Variants in WHRN observed in about 807,000 individuals in gnomAD.
The protein encoded by WHRN is CASK-interacting protein CIP98.
Under a neutral mutation model 68.3 loss-of-function variants are expected in WHRN, and 41 were observed. The ratio of observed to expected loss-of-function variants is 0.60; its 90% CI spans 0.47 to 0.78. The LOEUF is 0.78. Ranked by LOEUF, WHRN falls within the 30% of genes least tolerant of loss-of-function variation. The pLI is 0.00. For missense variants in WHRN, 1,243 were observed against 1,244.7 expected (o/e 1.00, Z 0.02); for synonymous variants, 560 against 561.3 (o/e 1.00, Z 0.03).
At chr9:114,491,094 G>T in intron 1 of WHRN, among the ~76,000 whole-genome samples, 1 of 151,938 alleles carries the variant, frequency 6.6e-6, no homozygotes, top group East Asian at 1.9e-4. Flanking sequence ...ACATTTTGTT[G>T]TCTGGGATCG....
chr9:114,406,384 T>A lies in WHRN; in HGVS notation c.2207A>T (p.Asn736Ile). ...CGTCTGGGGCAGCGCCCTCACTTCA[T>A]TGACGTCTGGCTCGCTGTCGGGGCG... ...VHRPDSEPDVNEVRALPQTRT... is the reference protein window; with the variant it reads ...VHRPDSEPDVIEVRALPQTRT... The change falls in exon 9 of 12, where the codon AAT becomes ATT. Residue 736 changes from asparagine (N) to isoleucine (I), a missense_variant. By Grantham distance (149) the Asn-to-Ile change is moderately radical. Transcript: ENST00000362057. 6.2e-7 allele frequency: 1 copy of A among 1,614,152 alleles called. No individual in the cohort carries two copies. The highest frequency in any genetic ancestry group is 8.5e-7 in the Non-Finnish European group (1 of 1,180,040).
intron 2 of WHRN, among the ~76,000 whole-genome samples, chr9:114,477,338 G>A (rs1378536565): frequency 1.3e-5 from 2 of 152,238 alleles, no homozygotes; most frequent in East Asian, 3.8e-4. Flanking sequence ...ACACCAGGGA[G>A]CTGCCTGCAG....
intron 3 of WHRN, among the ~76,000 whole-genome samples, chr9:114,445,289 G>A (rs966967943): frequency 6.6e-6 from 1 of 152,076 alleles, no homozygotes; most frequent in Non-Finnish European, 1.5e-5. Flanking sequence ...GGATCTGCCC[G>A]CCTTGGCCAC....
At position 114,403,877 on chromosome 9, in the gene WHRN, C is replaced by G. The variant is rs1322688000; in HGVS notation, c.2418+19G>C. ...CCGTGTTCCTCTCAGCCCTCTGCAT[C>G]CTCCTCCTCCTGGCTCACCGGTTTG... On this transcript the variant is annotated intron_variant, in intron 10 of 11. Coordinates refer to ENST00000362057, the MANE Select transcript of WHRN (RefSeq NM_015404.4). 1 of 1,607,838 alleles carries G rather than the reference C, an allele frequency of 6.2e-7. No homozygotes were observed. The highest frequency in any genetic ancestry group is 8.5e-7 in the Non-Finnish European group (1 of 1,178,786).
Position 114,404,147 on chromosome 9 carries a change from T to C in WHRN, c.2237-70A>G, listed in dbSNP as rs560198592. The C allele has an allele frequency of 1.6e-4, 242 of 1,491,818 alleles. 1 individual carries two copies. The South Asian group carries it at 2.7e-3, about 16-fold the overall frequency. 92.4% of individuals were successfully genotyped at this position (1,491,818 alleles called of 1,614,324 possible). The stretch of plus-strand genomic sequence containing the variant: ...GTCAGGGAGGGCTGCCTGGAGGCAG[T>C]GACGGAGATGGAGGCTGGAAGGCTG... On this transcript the variant is annotated intron_variant, in intron 9 of 11. Coordinates refer to ENST00000362057, the MANE Select transcript of WHRN (RefSeq NM_015404.4).
At chr9:114,478,422 C>G in intron 2 of WHRN, 131 bp downstream of exon 2, 1 of 1,004,810 alleles carries the variant, frequency 1.0e-6, no homozygotes, top group Non-Finnish European at 1.6e-6. Flanking sequence ...CCCTTCAGTA[C>G]AGACTTGAGG....
intron 1 of WHRN, among the ~76,000 whole-genome samples, chr9:114,482,689 A>C (rs1842185222): frequency 6.6e-6 from 1 of 152,188 alleles, no homozygotes; most frequent in African/African-American, 2.4e-5. Flanking sequence ...AGTTTAAAAA[A>C]AAAAAGGGAA....
intron 8 of WHRN, 82 bp downstream of exon 8, chr9:114,407,865 G>T: frequency 8.2e-7 from 1 of 1,216,784 alleles, no homozygotes; most frequent in Non-Finnish European, 1.2e-6. Flanking sequence ...CCCTTTCTCC[G>T]TGGCTGTCAT....
intron 2 of WHRN, among the ~76,000 whole-genome samples, chr9:114,475,906 C>A (rs984468860): frequency 2.0e-5 from 3 of 152,184 alleles, no homozygotes; most frequent in Non-Finnish European, 4.4e-5. Flanking sequence ...TTCAGGGTGT[C>A]TCCTGCCTCC....
Position 114,468,048 on chromosome 9 carries a change from G to T in WHRN, c.838-1656C>A, listed in dbSNP as rs192846092. Among the ~76,000 whole-genome samples the T allele has an allele frequency of 5.9e-5, 9 of 152,318 alleles. No individual in the cohort carries two copies. The East Asian group carries it at 1.7e-3, about 29-fold the overall frequency. ...AATTCTTCAACCACCTTGGGCAGAG[G>T]TGGTGAACAAGAGAGACTCAAGTCC... On this transcript the variant is annotated intron_variant, in intron 2 of 11. Coordinates refer to ENST00000362057, the MANE Select transcript of WHRN (RefSeq NM_015404.4).
intron 4 of WHRN, chr9:114,425,606 C>CACACACACACAA: frequency 4.3e-6 from 1 of 234,636 alleles, no homozygotes; most frequent in Non-Finnish European, 8.3e-6. Flanking sequence ...CACACACACA[C>CACACACACACAA]ACACACACAC....
At chr9:114,450,992 G>A (rs1367025749) in intron 3 of WHRN, among the ~76,000 whole-genome samples, 2 of 152,132 alleles carry the variant, frequency 1.3e-5, no homozygotes, top group Admixed American at 6.5e-5. Flanking sequence ...CAGACACAGC[G>A]CTAAGTGACT....
In WHRN at chr9:114,504,432, G is replaced by T. The variant is rs1456424322; in HGVS notation, c.370C>A (p.Gln124Lys). Residue 124 changes from glutamine to lysine, a missense_variant, in exon 1 of 12, where the codon CAG (glutamine) becomes AAG (lysine). Transcript: ENST00000362057. ...LYLPATTPYR[Q>K]PAWGGPDSAG... ...CTGTCGGGGCCGCCCCAGGCGGGCT[G>T]CCTGTAGGGGGTGGTGGCGGGCAGG... The T allele has an allele frequency of 6.2e-7, 1 of 1,606,972 alleles. No homozygotes were observed. The highest frequency in any genetic ancestry group is 1.7e-5 in the Admixed American group (1 of 59,994).
intron 1 of WHRN, among the ~76,000 whole-genome samples, chr9:114,489,789 G>A (rs1842833106): frequency 6.6e-6 from 1 of 152,182 alleles, no homozygotes; most frequent in South Asian, 2.1e-4. Context: ...TTTCTATGCA[G>A]CTGGAGATGG....
chr9:114,424,493 C>T lies in WHRN; in HGVS notation c.1257G>A (p.Gly419=), dbSNP rs527784694. The change falls in exon 6 of 12, where the codon GGG becomes GGA. Residue 419 remains glycine, a synonymous_variant. Transcript: ENST00000362057. ...AGSQVTLSSL[G]NQTRVLLEEQ... ...CCTCCAGCAGCACTCGTGTCTGGTTCCCCAGGCTGCTCAGGGTCACCTGGG... is the reference window on the plus strand; with the variant it reads ...CCTCCAGCAGCACTCGTGTCTGGTTTCCCAGGCTGCTCAGGGTCACCTGGG... The T allele has an allele frequency of 6.2e-7, 1 of 1,613,990 alleles. No individual in the cohort carries two copies. The highest frequency in any genetic ancestry group is 1.7e-5 in the Admixed American group (1 of 60,012).
intron 3 of WHRN, among the ~76,000 whole-genome samples, chr9:114,462,968 G>A (rs763434483): frequency 6.2e-4 from 94 of 152,154 alleles, no homozygotes; most frequent in Non-Finnish European, 1.0e-3. Context: ...AAGACCTAAT[G>A]TGTTGTCTCT....
At chr9:114,501,439 G>A (rs139951131) in intron 1 of WHRN, among the ~76,000 whole-genome samples, 153 of 152,218 alleles carry the variant, frequency 1.0e-3, no homozygotes, top group African/African-American at 3.3e-3. Flanking sequence ...TTATCAGAAA[G>A]AGAAGTGGAA....
chr9:114,500,384 T>A (rs900644806), intron 1 of WHRN, among the ~76,000 whole-genome samples: 1 of 152,146 alleles, frequency 6.6e-6, no homozygotes, highest in African/African-American at 2.4e-5. Flanking sequence ...CCATGCACAA[T>A]GGGAAAAGGA....
chr9:114,403,042 T>C, intron 11 of WHRN, 106 bp from the exon 12 acceptor site: 1 of 1,522,236 alleles, frequency 6.6e-7, no homozygotes, highest in Non-Finnish European at 9.0e-7. Flanking sequence ...AGCTACAATC[T>C]GAGTGTCCAC....
Sources: gnomAD v4.1 joint callset for allele counts (sites outside exome capture counted in the v4.1 genomes callset) on GRCh38, gnomAD v4.1.1 for gene constraint, MANE v1.5 for transcripts, NCBI Gene and HGNC (gene_info 2026-07-23, HGNC 2026-07-21) for gene names.